PAK2: variants seen among roughly 807,000 people sequenced by gnomAD.
PAK2 encodes serine/threonine-protein kinase PAK 2.
Under a neutral mutation model 65.9 loss-of-function variants are expected in PAK2, and 21 were observed. That is an observed-to-expected ratio of 0.32 (90% CI 0.23 to 0.46). The LOEUF (loss-of-function observed/expected upper bound fraction) is 0.46, where lower values mean the gene tolerates loss of function less well. Ranked by LOEUF, PAK2 falls within the 20% of genes least tolerant of loss-of-function variation. The pLI is 1.00. For synonymous variants in PAK2, 204 were observed against 219.7 expected (o/e 0.93, Z 0.63); for missense variants, 324 against 642.6 (o/e 0.50, Z 5.36).
chr3:196,760,248 TTTTG>T (rs796612011), intron 1 of PAK2, among the ~76,000 whole-genome samples: 37 of 152,096 alleles, frequency 2.4e-4, no homozygotes, highest in South Asian at 1.2e-3. Flanking sequence ...ATTTTCAGTT[TTTTG>T]TTTGTTTGTT....
chr3:196,806,278 T>G (rs1181168363), intron 5 of PAK2, among the ~76,000 whole-genome samples: 1 of 152,136 alleles, frequency 6.6e-6, no homozygotes, highest in Non-Finnish European at 1.5e-5. Flanking sequence ...ATCTTTGATT[T>G]TGGTCTTAAC....
intron 1 of PAK2, among the ~76,000 whole-genome samples, chr3:196,766,974 G>GTGTA (rs1178841880): frequency 1.4e-5 from 2 of 144,690 alleles, no homozygotes; most frequent in Admixed American, 6.9e-5. Flanking sequence ...GTGTGTGTGT[G>GTGTA]TATTGATACA....
At chr3:196,775,113 A>G (rs1714493635) in intron 1 of PAK2, among the ~76,000 whole-genome samples, 1 of 152,172 alleles carries the variant, frequency 6.6e-6, no homozygotes, top group Admixed American at 6.5e-5. Flanking sequence ...TTGTGGCGGC[A>G]TGGTTGTCAT....
At position 196,829,952 on chromosome 3, in the gene PAK2, C is replaced by G. The variant is rs976916705; in HGVS notation, c.*1547C>G. On this transcript the variant is annotated 3_prime_UTR_variant, in exon 15 of 15. Transcript: ENST00000327134. ...TCCTCTCCTCTTCTTCTCCTTTATT[C>G]ATTGTTTTGCTTTTGGAGTGGGTGT... 1 of 150,832 alleles carries G rather than the reference C, an allele frequency of 6.6e-6. No individual in the cohort carries two copies. The highest frequency in any genetic ancestry group is 2.4e-5 in the African/African-American group (1 of 40,932). 9.3% of individuals were successfully genotyped at this position (150,832 alleles called of 1,614,324 possible). A position where few individuals can be genotyped will look rare whatever the true frequency, so the allele number is the denominator to read the frequency against.
At chr3:196,783,793 C>T (rs1338043356) in intron 2 of PAK2, among the ~76,000 whole-genome samples, 1 of 152,046 alleles carries the variant, frequency 6.6e-6, no homozygotes, top group African/African-American at 2.4e-5. Context: ...TTTAGGCATG[C>T]CTGTTTGGGA....
intron 1 of PAK2, among the ~76,000 whole-genome samples, chr3:196,772,465 G>A (rs961752536): frequency 1.3e-5 from 2 of 152,082 alleles, no homozygotes; most frequent in Non-Finnish European, 2.9e-5. Flanking sequence ...GACTTGATAC[G>A]TTATCCAGAC....
intron 10 of PAK2, 56 bp downstream of exon 10, chr3:196,812,907 T>C (rs868282775): frequency 3.5e-5 from 28 of 791,060 alleles, no homozygotes; most frequent in South Asian, 3.5e-4. Context: ...TTAAGTCTCA[T>C]GGTTTCGGGG....
chr3:196,746,857 A>G (rs2108706589), intron 1 of PAK2, among the ~76,000 whole-genome samples: 1 of 148,208 alleles, frequency 6.7e-6, no homozygotes, highest in African/African-American at 2.5e-5. Context: ...TAACTTCTGT[A>G]GTTAACTTCT....
chr3:196,752,577 G>T (rs555845704), intron 1 of PAK2, among the ~76,000 whole-genome samples: 2 of 151,932 alleles, frequency 1.3e-5, no homozygotes, highest in Admixed American at 1.3e-4. Context: ...TCTTCTTTTG[G>T]TAATTTTGTT....
intron 1 of PAK2, among the ~76,000 whole-genome samples, chr3:196,767,059 A>G (rs976575777): frequency 6.6e-6 from 1 of 151,504 alleles, no homozygotes; most frequent in Non-Finnish European, 1.5e-5. Context: ...TTCACTTCAT[A>G]TATTATGGAG....
At chr3:196,761,832 G>GA (rs1447816401) in intron 1 of PAK2, among the ~76,000 whole-genome samples, 5 of 94,286 alleles carry the variant, frequency 5.3e-5, no homozygotes, top group African/African-American at 2.1e-4. Context: ...CGGGCGGGGG[G>GA]CTGACCCCCC....
chr3:196,742,639 G>C (rs573133361), intron 1 of PAK2, among the ~76,000 whole-genome samples: 492 of 152,194 alleles, frequency 3.2e-3, no homozygotes, highest in African/African-American at 0.011. Context: ...TCTTCGCCGG[G>C]CGCGGTGGCT....
At chr3:196,823,261 T>C (rs1017643056) in intron 13 of PAK2, among the ~76,000 whole-genome samples, 1 of 152,038 alleles carries the variant, frequency 6.6e-6, no homozygotes, top group Non-Finnish European at 1.5e-5. Flanking sequence ...AGAGTCTACA[T>C]GAGAGAGAAA....
chr3:196,804,712 C>G (rs1448472409), intron 4 of PAK2, among the ~76,000 whole-genome samples: 1 of 151,908 alleles, frequency 6.6e-6, no homozygotes, highest in Non-Finnish European at 1.5e-5. Flanking sequence ...GGTGATCTGC[C>G]TGTCTCTCGG....
chr3:196,794,055 TG>T (rs1346016013), intron 2 of PAK2, among the ~76,000 whole-genome samples: 3 of 151,950 alleles, frequency 2.0e-5, no homozygotes, highest in African/African-American at 7.3e-5. Flanking sequence ...CACTTGAACC[TG>T]GGAGGCGGAG....
chr3:196,822,274 A>T (rs1199165584), intron 13 of PAK2, among the ~76,000 whole-genome samples: 1 of 152,238 alleles, frequency 6.6e-6, no homozygotes, highest in East Asian at 1.9e-4. Flanking sequence ...CTCTTACAGA[A>T]CTTGTCTTCT....
chr3:196,762,672 C>A (rs970129015), intron 1 of PAK2, among the ~76,000 whole-genome samples: 2 of 149,624 alleles, frequency 1.3e-5, no homozygotes, highest in African/African-American at 4.9e-5. Flanking sequence ...AGAGGGAGAC[C>A]GTGGGGAGAG....
At chr3:196,786,930 TC>T (rs1714909256) in intron 2 of PAK2, among the ~76,000 whole-genome samples, 1 of 152,004 alleles carries the variant, frequency 6.6e-6, no homozygotes, top group South Asian at 2.1e-4. Flanking sequence ...ATTCAAGTGA[TC>T]CTCCTGCCTC....
chr3:196,811,140 T>TA (rs1715772118), intron 8 of PAK2, among the ~76,000 whole-genome samples: 1 of 151,366 alleles, frequency 6.6e-6, no homozygotes, highest in South Asian at 2.1e-4. Flanking sequence ...TGGAAAGCAT[T>TA]CTGTGAATTT....
Sources: gnomAD v4.1 joint callset for allele counts (sites outside exome capture counted in the v4.1 genomes callset) on GRCh38, gnomAD v4.1.1 for gene constraint, MANE v1.5 for transcripts, NCBI Gene and HGNC (gene_info 2026-07-23, HGNC 2026-07-21) for gene names.